TTC29: variants seen among roughly 807,000 people sequenced by gnomAD.
TTC29 encodes tetratricopeptide repeat domain 29.
Under a neutral mutation model 58.1 loss-of-function variants are expected in TTC29, and 49 were observed. That is an observed-to-expected ratio of 0.84 (90% confidence interval 0.67 to 1.07). The LOEUF is 1.07. Among genes scored for constraint, TTC29 ranks in the 50% least tolerant of loss-of-function variants. The pLI is 0.00. For synonymous variants in TTC29, 209 were observed against 196.8 expected (o/e 1.06, Z -0.52); for missense variants, 582 against 555.6 (o/e 1.05, Z -0.48).
At chr4:146,844,024 T>A (rs1729012167) in intron 8 of TTC29, among the ~76,000 whole-genome samples, 1 of 152,182 alleles carries the variant, frequency 6.6e-6, no homozygotes, top group Non-Finnish European at 1.5e-5. Flanking sequence ...TGTACAAAAA[T>A]AGCAAATTTT....
chr4:146,727,041 C>T (rs530564535), intron 11 of TTC29, among the ~76,000 whole-genome samples: 1 of 151,322 alleles, frequency 6.6e-6, no homozygotes, highest in African/African-American at 2.4e-5. Context: ...CTTTCAGATA[C>T]GTTCCATGCA....
At chr4:146,875,865 C>G (rs971771069) in intron 6 of TTC29, among the ~76,000 whole-genome samples, 1 of 152,168 alleles carries the variant, frequency 6.6e-6, no homozygotes, top group African/African-American at 2.4e-5. Flanking sequence ...TATGAGCAAA[C>G]ATATTTCTGG....
intron 11 of TTC29, among the ~76,000 whole-genome samples, chr4:146,746,825 G>T (rs552098239): frequency 6.6e-6 from 1 of 152,216 alleles, no homozygotes; most frequent in South Asian, 2.1e-4. Flanking sequence ...TCAGTAAAAT[G>T]GCTGACTAGA....
intron 4 of TTC29, among the ~76,000 whole-genome samples, chr4:146,929,634 G>C (rs1321471385): frequency 6.6e-6 from 1 of 152,074 alleles, no homozygotes; most frequent in Non-Finnish European, 1.5e-5. Flanking sequence ...TTTCTTTGTT[G>C]TGTCAAGGTT....
chr4:146,942,840 T>C, intron 2 of TTC29: 1 of 436,090 alleles, frequency 2.3e-6, no homozygotes, highest in Non-Finnish European at 4.1e-6. Context: ...CTCTTCATAA[T>C]TGCAGGGGTC....
chr4:146,762,346 C>CTTTTTT lies in TTC29; in HGVS notation c.1330+41105_1330+41110dup, dbSNP rs34223852. ...TATATCTATTGGATCAGTGTAATTTCTTTTTTTTTTTTTTTTCCTGTGAGT... is the reference window on the plus strand; with the variant it reads ...TATATCTATTGGATCAGTGTAATTTCTTTTTTTTTTTTTTTTTTTTTTCCTGTGAGT... On this transcript the variant is annotated intron_variant, in intron 11 of 12. Transcript: ENST00000325106. Among the ~76,000 whole-genome samples the CTTTTTT allele has an allele frequency of 3.7e-5, 5 of 136,722 alleles. No homozygotes were observed. In the South Asian group the frequency reaches 1.2e-3, roughly 32 times the overall value. The allele number at this position is 136,722 out of a possible 152,430, so 89.7% of individuals were successfully genotyped here.
intron 11 of TTC29, among the ~76,000 whole-genome samples, chr4:146,742,210 G>A (rs900059486): frequency 1.3e-5 from 2 of 152,066 alleles, no homozygotes; most frequent in Non-Finnish European, 2.9e-5. Context: ...TTGCTCAAGG[G>A]TATAACTGGA....
intron 10 of TTC29, among the ~76,000 whole-genome samples, chr4:146,804,049 G>A (rs1027346825): frequency 2.0e-5 from 3 of 152,150 alleles, no homozygotes; most frequent in African/African-American, 4.8e-5. Context: ...GAGGTAACCG[G>A]CTCATCTCTT....
chr4:146,847,877 C>T (rs1435243531), intron 8 of TTC29, among the ~76,000 whole-genome samples: 1 of 152,196 alleles, frequency 6.6e-6, no homozygotes, highest in Non-Finnish European at 1.5e-5. Flanking sequence ...ACTGTGCAGC[C>T]TGGATAACTC....
At position 146,833,895 on chromosome 4, in the gene TTC29, G is replaced by A. The variant is rs1240062435; in HGVS notation, c.888C>T (p.Val296=). The A allele has an allele frequency of 3.1e-6, 5 of 1,608,914 alleles. No homozygotes were observed. The highest frequency in any genetic ancestry group is 4.3e-6 in the Non-Finnish European group (5 of 1,176,232). Residue 296 remains valine, a splice_region_variant and synonymous_variant, in exon 9 of 13, where the codon GTC becomes GTT. Coordinates refer to ENST00000325106, the MANE Select transcript of TTC29 (RefSeq NM_031956.4). ...AAEEYETALT[V]LDTYCKISTD... is the part of the protein sequence containing the mutation. ...TGGAGATTTTACAGTAAGTGTCAAG[G>A]ACCTATCAGGAAGAGAAATACATAT...
chr4:146,754,569 C>T (rs1396166696), intron 11 of TTC29, among the ~76,000 whole-genome samples: 1 of 152,126 alleles, frequency 6.6e-6, no homozygotes, highest in Non-Finnish European at 1.5e-5. Flanking sequence ...AAAATGGTAT[C>T]TCCTGACCAA....
chr4:146,937,733 C>G, intron 3 of TTC29, 56 bp from the exon 4 acceptor site: 1 of 1,034,262 alleles, frequency 9.7e-7, no homozygotes, highest in Non-Finnish European at 1.4e-6. Flanking sequence ...GAAAAGCTAC[C>G]AAACACATAA....
intron 10 of TTC29, among the ~76,000 whole-genome samples, chr4:146,811,796 G>A (rs1013997555): frequency 3.3e-5 from 5 of 152,166 alleles, no homozygotes; most frequent in African/African-American, 9.7e-5. Context: ...TGAGGAGGAG[G>A]AGAAATAGAA....
At chr4:146,821,491 G>T (rs1751823265) in intron 9 of TTC29, among the ~76,000 whole-genome samples, 1 of 152,132 alleles carries the variant, frequency 6.6e-6, no homozygotes, top group South Asian at 2.1e-4. Context: ...ACTCTTGAAA[G>T]CTTTCATTGG....
chr4:146,755,607 T>G (rs1031381924), intron 11 of TTC29, among the ~76,000 whole-genome samples: 3 of 152,144 alleles, frequency 2.0e-5, no homozygotes, highest in African/African-American at 7.2e-5. Context: ...AGATTTTAGC[T>G]GCTCTTGCCA....
intron 8 of TTC29, among the ~76,000 whole-genome samples, chr4:146,862,816 A>G (rs1730322289): frequency 6.6e-6 from 1 of 152,168 alleles, no homozygotes; most frequent in Admixed American, 6.6e-5. Context: ...CTGGAGAATT[A>G]AATAACAAGA....
chr4:146,761,973 CAAA>C (rs2150063301), intron 11 of TTC29, among the ~76,000 whole-genome samples: 1 of 151,904 alleles, frequency 6.6e-6, no homozygotes, highest in South Asian at 2.1e-4. Context: ...AAAACAAAAA[CAAA>C]AACAAAAACC....
intron 11 of TTC29, among the ~76,000 whole-genome samples, chr4:146,777,367 G>GT (rs1748184924): frequency 2.6e-5 from 4 of 151,864 alleles, no homozygotes; most frequent in African/African-American, 7.3e-5. Context: ...ACCCCAACTG[G>GT]TTTTTTATAT....
chr4:146,838,224 A>T (rs1317125284), intron 8 of TTC29, among the ~76,000 whole-genome samples: 3 of 152,066 alleles, frequency 2.0e-5, no homozygotes, highest in Non-Finnish European at 4.4e-5. Context: ...CTAAAAACAA[A>T]ACTACTAGAA....
Sources: allele counts gnomAD v4.1 joint callset (sites outside exome capture counted in the v4.1 genomes callset), GRCh38; gene constraint gnomAD v4.1.1; transcripts MANE v1.5; gene names NCBI Gene and HGNC (gene_info 2026-07-23, HGNC 2026-07-21).